The following RNF20 variants were observed in gnomAD, a reference collection of about 807,000 sequenced individuals.
The protein encoded by RNF20 is E3 ubiquitin-protein ligase BRE1A.
Under a neutral mutation model 126.2 loss-of-function variants are expected in RNF20, and 84 were observed. The ratio of observed to expected loss-of-function variants is 0.67; its 90% CI spans 0.56 to 0.80. The LOEUF (loss-of-function observed/expected upper bound fraction) is 0.80, where lower values mean the gene tolerates loss of function less well. Ranked by LOEUF, RNF20 falls within the 30% of genes least tolerant of loss-of-function variation. RNF20 has a pLI of 0.00. For synonymous variants in RNF20, 400 were observed against 414.3 expected, an observed-to-expected ratio of 0.97 and a Z score of 0.42; for missense variants, 869 against 1,188.2, an observed-to-expected ratio of 0.73 and a Z score of 3.95.
rs2118709718 is a variant in RNF20, at chr9:101,550,629, G to A, written c.1116G>A (p.Glu372=). Reference sequence around the variant, plus strand: ...AGGTGGAATTGCGGAGTGCAGTGGAGCAAGTCGTTAAGGAAACTCCAGAAT... The same window carrying A: ...AGGTGGAATTGCGGAGTGCAGTGGAACAAGTCGTTAAGGAAACTCCAGAAT... The part of the protein sequence containing the change: ...KLKVELRSAV[E]QVVKETPEYR... The change falls in exon 10 of 20, where the codon GAG becomes GAA. Residue 372 remains glutamate, a synonymous_variant. Coordinates refer to ENST00000389120, the MANE Select transcript of RNF20 (RefSeq NM_019592.7). 3 of 1,614,112 alleles carry A rather than the reference G, an allele frequency of 1.9e-6. No homozygotes were observed. Among genetic ancestry groups the A allele is most frequent in the Non-Finnish European group, 2.5e-6 (3 of 1,179,986 alleles).
Position 101,552,603 on chromosome 9 carries a change from GGGAGAA to G in RNF20, c.1763_1768del (p.Lys588_Glu589del), listed in dbSNP as rs774345931. 3.7e-5 allele frequency: 58 copies of G among 1,563,176 alleles called. No homozygotes were observed. Among genetic ancestry groups the G allele is most frequent in the East Asian group, 1.1e-4 (5 of 44,608 alleles). ...AAGGAGAGGGAACGAGAAAGAGAAC[GGGAGAA>G]GGAGAAGGAGAGAGAACGAGAGAAG... On this transcript the variant is annotated inframe_deletion, in exon 13 of 20. Coordinates refer to ENST00000389120, the MANE Select transcript of RNF20 (RefSeq NM_019592.7).
intron 5 of RNF20, among the ~76,000 whole-genome samples, chr9:101,542,615 CT>C (rs2118683881): frequency 6.6e-6 from 1 of 152,224 alleles, no homozygotes; most frequent in East Asian, 1.9e-4. Context: ...CTTCTTTCTC[CT>C]TGGGCTCTAA....
At chr9:101,539,487 A>G (rs1386919133) in intron 2 of RNF20, among the ~76,000 whole-genome samples, 2 of 152,202 alleles carry the variant, frequency 1.3e-5, no homozygotes. Flanking sequence ...GCAGAGATAG[A>G]AGGAGACCGA....
intron 15 of RNF20, among the ~76,000 whole-genome samples, chr9:101,555,441 A>T (rs2118728280): frequency 6.6e-6 from 1 of 152,228 alleles, no homozygotes; most frequent in East Asian, 1.9e-4. Context: ...ATATGTATGT[A>T]TTTTTAAATG....
At chr9:101,560,556 A>G in intron 16 of RNF20, 1 of 300,808 alleles carries the variant, frequency 3.3e-6, no homozygotes, top group Non-Finnish European at 6.2e-6. Context: ...TATTTTTGGC[A>G]ATTTGGAAAA....
At chr9:101,556,053 TATACTA>T (rs1827526956) in intron 15 of RNF20, among the ~76,000 whole-genome samples, 1 of 152,046 alleles carries the variant, frequency 6.6e-6, no homozygotes. Context: ...ATCAGGAAAT[TATACTA>T]TTATAGGTTC....
At chr9:101,544,739 A>G (rs1827321709) in intron 5 of RNF20, 28 bp from the exon 6 acceptor site, 1 of 1,457,240 alleles carries the variant, frequency 6.9e-7, no homozygotes, top group Non-Finnish European at 9.6e-7. Flanking sequence ...TCTAGATGCT[A>G]AATTAAAGTA....
At position 101,540,544 on chromosome 9, in the gene RNF20, G is replaced by A; in HGVS notation, c.352G>A (p.Gly118Arg). The change falls in exon 4 of 20, where the codon GGA becomes AGA. Residue 118 changes from glycine to arginine, a missense_variant. Physicochemically the swap from Gly to Arg is moderately radical, Grantham distance 125 (BLOSUM62 -2). Transcript: ENST00000389120. The stretch of plus-strand genomic sequence containing the variant: ...ACGTTATGATCTGGAGCAGGGCTTG[G>A]GAGACCTACTCACAGAACGAAAAGC... ...LKRYDLEQGL[G>R]DLLTERKALV... The A allele has an allele frequency of 2.5e-6, 4 of 1,613,808 alleles. No homozygotes were observed. The highest frequency in any genetic ancestry group is 3.4e-6 in the Non-Finnish European group (4 of 1,179,870).
At chr9:101,538,506 G>A (rs1307987864) in intron 2 of RNF20, among the ~76,000 whole-genome samples, 1 of 152,088 alleles carries the variant, frequency 6.6e-6, no homozygotes, top group Non-Finnish European at 1.5e-5. Context: ...CCTGGAAGTG[G>A]CAATGGAAAA....
chr9:101,544,753 T>A lies in RNF20; in HGVS notation c.629-14T>A, dbSNP rs749367672. The A allele has an allele frequency of 2.0e-6, 3 of 1,537,970 alleles. No homozygotes were observed. The Admixed American group carries it at 5.0e-5, about 26-fold the overall frequency. On this transcript the variant is annotated splice_polypyrimidine_tract_variant and intron_variant, in intron 5 of 19. Transcript: ENST00000389120. Reference sequence around the variant, plus strand: ...CTCTAGATGCTAAATTAAAGTATAGTTCTTCTTCCCCAGATAATCTGATAG... The same window carrying A: ...CTCTAGATGCTAAATTAAAGTATAGATCTTCTTCCCCAGATAATCTGATAG...
chr9:101,563,074 A>C lies in RNF20; in HGVS notation c.*652A>C, dbSNP rs1827651220. 9 of 152,320 alleles carry C rather than the reference A, an allele frequency of 5.9e-5. No homozygotes were observed. Among genetic ancestry groups the C allele is most frequent in the Admixed American group, 5.9e-4 (9 of 15,274 alleles). The allele number at this position is 152,320 out of a possible 1,614,324, so 9.4% of individuals were successfully genotyped here. A position where few individuals can be genotyped will look rare whatever the true frequency, so the allele number is the denominator to read the frequency against. ...AATGCTCTACTACTTCAAGTCTTTA[A>C]ATTTCTTGAGACTAGAATAATTTTA... On this transcript the variant is annotated 3_prime_UTR_variant, in exon 20 of 20. Transcript: ENST00000389120.
At chr9:101,540,138 T>C (rs1225701344) in intron 2 of RNF20, 65 bp from the exon 3 acceptor site, 11 of 1,454,984 alleles carry the variant, frequency 7.6e-6, no homozygotes, top group Admixed American at 6.0e-5. Context: ...TGTGACCTTG[T>C]TGAGTTTAAC....
intron 16 of RNF20, among the ~76,000 whole-genome samples, chr9:101,559,159 C>G (rs1451057061): frequency 6.6e-6 from 1 of 152,124 alleles, no homozygotes; most frequent in Non-Finnish European, 1.5e-5. Context: ...AATAGGGTGT[C>G]CCTTCCCACT....
intron 9 of RNF20, among the ~76,000 whole-genome samples, chr9:101,548,923 C>T (rs1827397360): frequency 6.6e-6 from 1 of 152,154 alleles, no homozygotes; most frequent in Non-Finnish European, 1.5e-5. Flanking sequence ...AGTGATTCCA[C>T]AGGTTTGGCT....
chr9:101,540,169 T>G, intron 2 of RNF20, 34 bp from the exon 3 acceptor site: 2 of 1,593,310 alleles, frequency 1.3e-6, no homozygotes, highest in Non-Finnish European at 1.7e-6. Flanking sequence ...TCTTATTTCT[T>G]TGTGGAGACT....
rs199802778 is a variant in RNF20, at chr9:101,554,144, T to G, written c.2019+39T>G. 226 of 1,173,424 alleles carry G rather than the reference T, an allele frequency of 1.9e-4. 1 individual carries two copies. The South Asian group carries it at 2.8e-3, about 15-fold the overall frequency. The allele number at this position is 1,173,424 out of a possible 1,614,324, so 72.7% of individuals were successfully genotyped here. ...CTATTACCTGTCCTTCTGGTTAAAATCTTCATTTGTGGGATTTTCCTTTAT... is the reference window on the plus strand; with the variant it reads ...CTATTACCTGTCCTTCTGGTTAAAAGCTTCATTTGTGGGATTTTCCTTTAT... On this transcript the variant is annotated intron_variant, in intron 14 of 19. Transcript: ENST00000389120.
Position 101,540,245 on chromosome 9 carries a change from C to G in RNF20, c.172C>G (p.Leu58Val). The change falls in exon 3 of 20, where the codon CTG becomes GTG. Residue 58 changes from leucine (L) to valine (V), a missense_variant. Physicochemically the swap from Leu to Val is conservative, Grantham distance 32. This residue lies in a region of RNF20 where 157 missense variants were observed against 236.0 expected (regional missense o/e 0.67). Transcript: ENST00000389120. Reference sequence around the variant, plus strand: ...AACACTGCAAACCAAAAATCGCAAGCTGGCAGAAATGTTGGATCAGCGGCA... The same window carrying G: ...AACACTGCAAACCAAAAATCGCAAGGTGGCAGAAATGTTGGATCAGCGGCA... ...IRTLQTKNRK[L>V]AEMLDQRQAI... The G allele has an allele frequency of 6.2e-7, 1 of 1,614,158 alleles. No individual in the cohort carries two copies. Among genetic ancestry groups the G allele is most frequent in the African/African-American group, 1.3e-5 (1 of 75,048 alleles).
chr9:101,561,230 G>C lies in RNF20; in HGVS notation c.2649G>C (p.Gln883His), dbSNP rs145391118. ...ACATGTTCAATTTCAAACGAGCCCA[G>C]GTAAAAGCAGTTGTCTTTTCTTGTC... is the stretch of plus-strand genomic sequence containing the variant. ...EKDMFNFKRAQEDISRLRRKL... is the reference protein window; with the variant it reads ...EKDMFNFKRAHEDISRLRRKL... Residue 883 changes from glutamine to histidine, a missense_variant and splice_region_variant, in exon 18 of 20, where the codon CAG becomes CAC. Transcript: ENST00000389120. 2.5e-6 allele frequency: 4 copies of C among 1,613,212 alleles called. No individual in the cohort carries two copies. The South Asian group carries it at 4.4e-5, about 18-fold the overall frequency.
Position 101,553,979 on chromosome 9 carries a change from C to G in RNF20, c.1902-9C>G, listed in dbSNP as rs1827489455. 6.5e-7 allele frequency: 1 copy of G among 1,539,532 alleles called. No individual in the cohort carries two copies. The highest frequency in any genetic ancestry group is 1.7e-5 in the Admixed American group (1 of 59,512). ...CATTGTTCCCCTCCCTCTACTACGC[C>G]TGTCATAGGAAGGCACAGGAGAGCC... On this transcript the variant is annotated splice_polypyrimidine_tract_variant and intron_variant, in intron 13 of 19. Coordinates refer to ENST00000389120, the MANE Select transcript of RNF20 (RefSeq NM_019592.7).
Sources: gnomAD v4.1 joint callset for allele counts (sites outside exome capture counted in the v4.1 genomes callset) on GRCh38, gnomAD v4.1.1 for gene constraint, gnomAD v4.1.1 regional missense constraint, MANE v1.5 for transcripts, NCBI Gene and HGNC (gene_info 2026-07-23, HGNC 2026-07-21) for gene names.